Variants in TMEM184C observed in about 807,000 individuals in gnomAD.
TMEM184C encodes transmembrane protein 184C.
TMEM184C carries 25 observed loss-of-function variants against 54.5 expected under a neutral mutation model. The ratio of observed to expected loss-of-function variants is 0.46; its 90% CI spans 0.33 to 0.64. TMEM184C has a LOEUF of 0.64. Ranked by LOEUF, TMEM184C falls within the 30% of genes least tolerant of loss-of-function variation. TMEM184C has a pLI of 0.02. For missense variants in TMEM184C, 335 were observed against 520.3 expected (o/e 0.64, Z 3.46); for synonymous variants, 148 against 181.5 (o/e 0.82, Z 1.49).
At position 147,618,097 on chromosome 4, in the gene TMEM184C, CA is replaced by C; in HGVS notation, c.123+19del. 4 of 1,613,840 alleles carry C rather than the reference CA, an allele frequency of 2.5e-6. No individual in the cohort carries two copies. The South Asian group carries it at 3.3e-5, about 13-fold the overall frequency. On this transcript the variant is annotated intron_variant, in intron 1 of 9. Transcript: ENST00000296582. ...AACTGGAGGTAAGAGGGTTCTGCAC[CA>C]TCAGCCTGTACACTTTCTTCTACCC...
rs199745439 is a variant in TMEM184C, at chr4:147,633,724, T to C, written c.880-41T>C. ...AGATAGCACTCTACAAACCTAGATT[T>C]AAATCCAAAGGTGGCTGTTATCTTA... On this transcript the variant is annotated intron_variant, in intron 8 of 9. Coordinates refer to ENST00000296582, the MANE Select transcript of TMEM184C (RefSeq NM_018241.3). 1,073 of 1,478,804 alleles carry C rather than the reference T, an allele frequency of 7.3e-4. 12 individuals carry two copies. In the African/African-American group the frequency reaches 0.013, roughly 18 times the overall value. 91.6% of individuals were successfully genotyped at this position (1,478,804 alleles called of 1,614,324 possible).
At chr4:147,632,750 T>C (rs535692209) in intron 7 of TMEM184C, 153 bp from the exon 8 acceptor site, 3 of 545,576 alleles carry the variant, frequency 5.5e-6, no homozygotes, top group East Asian at 5.9e-5. Context: ...AATTAATATA[T>C]TTAACATAGA....
intron 1 of TMEM184C, among the ~76,000 whole-genome samples, chr4:147,620,007 C>T (rs1383795597): frequency 6.6e-6 from 1 of 152,220 alleles, no homozygotes; most frequent in African/African-American, 2.4e-5. Flanking sequence ...AAGTCCTAGG[C>T]TTCCACTGCA....
chr4:147,633,014 C>T lies in TMEM184C; in HGVS notation c.879+12C>T. Reference sequence around the variant, plus strand: ...CCACCGGACTCCAGGTAAGTAGTGCCATCTCTGAATTCAATAGAACTTTAC... The same window carrying T: ...CCACCGGACTCCAGGTAAGTAGTGCTATCTCTGAATTCAATAGAACTTTAC... On this transcript the variant is annotated intron_variant, in intron 8 of 9. Coordinates refer to ENST00000296582, the MANE Select transcript of TMEM184C (RefSeq NM_018241.3). The T allele has an allele frequency of 6.2e-7, 1 of 1,604,150 alleles. No individual in the cohort carries two copies. Among genetic ancestry groups the T allele is most frequent in the South Asian group, 1.1e-5 (1 of 90,610 alleles).
chr4:147,630,957 G>T (rs1370270617), intron 6 of TMEM184C, among the ~76,000 whole-genome samples: 1 of 152,060 alleles, frequency 6.6e-6, no homozygotes, highest in East Asian at 1.9e-4. Context: ...TTTACATTCA[G>T]ATTTCATAGT....
intron 5 of TMEM184C, among the ~76,000 whole-genome samples, chr4:147,628,908 T>G (rs1330742072): frequency 3.9e-5 from 6 of 152,172 alleles, no homozygotes; most frequent in Non-Finnish European, 8.8e-5. Flanking sequence ...GGCAAAACTA[T>G]TCCCTAAAAA....
At chr4:147,631,948 G>C (rs1036206459) in intron 7 of TMEM184C, among the ~76,000 whole-genome samples, 12 of 152,162 alleles carry the variant, frequency 7.9e-5, no homozygotes, top group Non-Finnish European at 1.8e-4. Context: ...GGGAGGCCAA[G>C]ACAGGTGGAT....
chr4:147,632,409 G>T (rs569212534), intron 7 of TMEM184C: 1 of 153,186 alleles, frequency 6.5e-6, no homozygotes, highest in South Asian at 2.0e-4. Flanking sequence ...GTAGTATATT[G>T]TAGATACAGT....
chr4:147,630,029 G>A (rs1263990549), intron 6 of TMEM184C, among the ~76,000 whole-genome samples: 4 of 150,912 alleles, frequency 2.7e-5, no homozygotes, highest in East Asian at 3.9e-4. Context: ...ACACACACAC[G>A]CCCACATATA....
chr4:147,620,535 C>T (rs1732689474), intron 1 of TMEM184C, among the ~76,000 whole-genome samples: 2 of 152,188 alleles, frequency 1.3e-5, no homozygotes, highest in Admixed American at 1.3e-4. Context: ...AGTTAGAAAG[C>T]TCTTTATGGT....
At chr4:147,633,979 A>G in intron 9 of TMEM184C, 43 bp downstream of exon 9, 1 of 1,578,492 alleles carries the variant, frequency 6.3e-7, no homozygotes, top group Non-Finnish European at 8.6e-7. Context: ...GTTGGGTAGG[A>G]TATTGAATTT....
chr4:147,620,995 T>C (rs1227521506), intron 1 of TMEM184C, among the ~76,000 whole-genome samples: 1 of 152,158 alleles, frequency 6.6e-6, no homozygotes, highest in Non-Finnish European at 1.5e-5. Context: ...ACTACAGAAA[T>C]TTATTTTCTC....
At chr4:147,625,692 G>T (rs1239177636) in intron 4 of TMEM184C, among the ~76,000 whole-genome samples, 1 of 152,164 alleles carries the variant, frequency 6.6e-6, no homozygotes. Context: ...AGGGGGATGA[G>T]ATTGGAATAG....
rs982620775 is a variant in TMEM184C at position 147,636,327 on chromosome 4, C to T, written c.*1893C>T. ...GTCCAGATATAAATCCAAACATACACAGTCAACTAATTTTTGACAAAGACA... is the reference window on the plus strand; with the variant it reads ...GTCCAGATATAAATCCAAACATACATAGTCAACTAATTTTTGACAAAGACA... On this transcript the variant is annotated 3_prime_UTR_variant, in exon 10 of 10. Transcript: ENST00000296582. The T allele has an allele frequency of 6.6e-6, 1 of 152,050 alleles. No homozygotes were observed. The highest frequency in any genetic ancestry group is 1.5e-5 in the Non-Finnish European group (1 of 67,986). 9.4% of individuals were successfully genotyped at this position (152,050 alleles called of 1,614,324 possible). A position where few individuals can be genotyped will look rare whatever the true frequency, so the allele number is the denominator to read the frequency against.
Position 147,634,507 on chromosome 4 carries a change from G to A in TMEM184C, c.*73G>A. The A allele has an allele frequency of 6.6e-7, 1 of 1,508,656 alleles. No individual in the cohort carries two copies. Among genetic ancestry groups the A allele is most frequent in the Non-Finnish European group, 8.9e-7 (1 of 1,120,470 alleles). 93.5% of individuals were successfully genotyped at this position (1,508,656 alleles called of 1,614,324 possible). On this transcript the variant is annotated 3_prime_UTR_variant, in exon 10 of 10. Coordinates refer to ENST00000296582, the MANE Select transcript of TMEM184C (RefSeq NM_018241.3). Reference sequence around the variant, plus strand: ...TGGTATCCCATGGATTTTGTGCTTGGGACAGACCATAAATGATGGAAAATG... The same window carrying A: ...TGGTATCCCATGGATTTTGTGCTTGAGACAGACCATAAATGATGGAAAATG...
At chr4:147,625,473 T>G (rs1732797727) in intron 4 of TMEM184C, among the ~76,000 whole-genome samples, 1 of 152,250 alleles carries the variant, frequency 6.6e-6, no homozygotes, top group African/African-American at 2.4e-5. Flanking sequence ...CTTATGTCAT[T>G]TCATTTTGAA....
chr4:147,619,184 T>C (rs1373030400), intron 1 of TMEM184C, among the ~76,000 whole-genome samples: 3 of 147,152 alleles, frequency 2.0e-5, no homozygotes, highest in Non-Finnish European at 4.5e-5. Flanking sequence ...TTACTTGTTG[T>C]TGTTGTTGTT....
intron 1 of TMEM184C, among the ~76,000 whole-genome samples, chr4:147,621,435 G>T (rs1289328730): frequency 6.6e-6 from 1 of 151,966 alleles, no homozygotes; most frequent in East Asian, 1.9e-4. Context: ...TCAACTCATG[G>T]CTGATAAAGA....
intron 7 of TMEM184C, 146 bp from the exon 8 acceptor site, chr4:147,632,755 CAT>C (rs1732939208): frequency 7.3e-6 from 4 of 549,250 alleles, no homozygotes; most frequent in African/African-American, 3.8e-5. Flanking sequence ...ATATATTTAA[CAT>C]AGAGTTTCTT....
Sources: allele counts gnomAD v4.1 joint callset (sites outside exome capture counted in the v4.1 genomes callset), GRCh38; gene constraint gnomAD v4.1.1; transcripts MANE v1.5; gene names NCBI Gene and HGNC (gene_info 2026-07-23, HGNC 2026-07-21).